Variants in ASIC2 observed in about 807,000 individuals in gnomAD.
The protein encoded by ASIC2 is acid sensing ion channel subunit 2, also known as acid-sensing ion channel 2.
In ASIC2, 25 loss-of-function variants were observed where a neutral mutation model predicts 57.3. The observed-to-expected ratio is 0.44, with a 90% CI of 0.32 to 0.61. The LOEUF is 0.61. Ranked by LOEUF, ASIC2 falls within the 20% of genes least tolerant of loss-of-function variation. The pLI is 0.06. For missense variants in ASIC2, 641 were observed against 738.1 expected, an observed-to-expected ratio of 0.87 and a Z score of 1.52; for synonymous variants, 319 against 307.5, an observed-to-expected ratio of 1.04 and a Z score of -0.39.
At chr17:33,992,941 A>G (rs764867585) in intron 1 of ASIC2, among the ~76,000 whole-genome samples, 1 of 152,218 alleles carries the variant, frequency 6.6e-6, no homozygotes, top group African/African-American at 2.4e-5. Context: ...CATGAGAGGT[A>G]TACAACTAGA....
chr17:33,276,517 GCTCTC>G (rs1904712040), intron 1 of ASIC2, among the ~76,000 whole-genome samples: 1 of 152,184 alleles, frequency 6.6e-6, no homozygotes, highest in Non-Finnish European at 1.5e-5. Flanking sequence ...CAAGCCAGAG[GCTCTC>G]CTTGGATTCT....
chr17:33,062,990 C>G (rs2092027111), intron 3 of ASIC2, among the ~76,000 whole-genome samples: 1 of 152,122 alleles, frequency 6.6e-6, no homozygotes, highest in Admixed American at 6.6e-5. Context: ...GCAACCCCTG[C>G]CTTTTTTTGT....
At chr17:33,554,390 G>T (rs1038011542) in intron 1 of ASIC2, among the ~76,000 whole-genome samples, 1 of 151,996 alleles carries the variant, frequency 6.6e-6, no homozygotes, top group Non-Finnish European at 1.5e-5. Context: ...GTGTTTGCAC[G>T]TGTGCACGTG....
intron 1 of ASIC2, among the ~76,000 whole-genome samples, chr17:33,976,236 T>C (rs992928438): frequency 5.3e-5 from 8 of 151,966 alleles, no homozygotes; most frequent in Non-Finnish European, 1.0e-4. Flanking sequence ...ATATGATTCA[T>C]CTAAAGGTGC....
rs1555600204 is a variant in ASIC2, at chr17:33,346,253, A to AAG, written c.556-234188_556-234187dup. On this transcript the variant is annotated intron_variant, in intron 1 of 9. Transcript: ENST00000359872. ...AAAAAAAAAAAAAAAAAAAAAAAAAAAGAGAGAGAGAGAAAAGGAACATAA... is the reference window on the plus strand; with the variant it reads ...AAAAAAAAAAAAAAAAAAAAAAAAAAAGAGAGAGAGAGAGAAAAGGAACATAA... 4.7e-3 allele frequency among the ~76,000 whole-genome samples: 598 copies of AAG among 127,772 alleles called. 4 individuals carry two copies. The highest frequency in any genetic ancestry group is 6.0e-3 in the Non-Finnish European group (355 of 59,662). The allele number at this position is 127,772 out of a possible 152,430, so 83.8% of individuals were successfully genotyped here.
At chr17:33,604,691 G>A (rs1905185273) in intron 1 of ASIC2, among the ~76,000 whole-genome samples, 1 of 152,070 alleles carries the variant, frequency 6.6e-6, no homozygotes, top group African/African-American at 2.4e-5. Flanking sequence ...AGCAGCCCAG[G>A]AGAGCCAGGT....
Position 33,840,971 on chromosome 17 carries a change from A to G in ASIC2, c.555+315007T>C, listed in dbSNP as rs1913420149. On this transcript the variant is annotated intron_variant, in intron 1 of 9. Transcript: ENST00000359872. ...AGGTATATATATTTAAAGGTTCCAG[A>G]GAGTATAAACCAGACTTTATAGCAA... Among the ~76,000 whole-genome samples the G allele has an allele frequency of 3.3e-5, 5 of 152,242 alleles. No homozygotes were observed. In the South Asian group the frequency reaches 1.0e-3, roughly 32 times the overall value.
intron 2 of ASIC2, among the ~76,000 whole-genome samples, chr17:33,103,550 A>G (rs976036262): frequency 2.0e-4 from 30 of 152,158 alleles, no homozygotes; most frequent in Non-Finnish European, 4.3e-4. Flanking sequence ...TTCAGGGGTA[A>G]AAGGTCCTTA....
At chr17:33,385,158 C>A (rs1909626422) in intron 1 of ASIC2, among the ~76,000 whole-genome samples, 1 of 152,178 alleles carries the variant, frequency 6.6e-6, no homozygotes, top group Non-Finnish European at 1.5e-5. Flanking sequence ...AAAATGTTAA[C>A]ACAGGTCAAG....
At chr17:33,932,741 A>AAATATATATAT (rs1555572867) in intron 1 of ASIC2, 2 of 58,714 alleles carry the variant, frequency 3.4e-5, no homozygotes, top group African/African-American at 1.4e-4. Context: ...AAAAAAAAAA[A>AAATATATATAT]ATATATATAT....
At chr17:33,703,545 G>T (rs1908773627) in intron 1 of ASIC2, among the ~76,000 whole-genome samples, 1 of 152,032 alleles carries the variant, frequency 6.6e-6, no homozygotes, top group African/African-American at 2.4e-5. Flanking sequence ...TAGAGATGGG[G>T]TTTTACCATG....
chr17:33,405,429 G>A (rs1031761442), intron 1 of ASIC2, among the ~76,000 whole-genome samples: 6 of 151,754 alleles, frequency 4.0e-5, no homozygotes, highest in Non-Finnish European at 7.4e-5. Flanking sequence ...ACCCCTCCCA[G>A]GACTAGCCAA....
chr17:33,196,517 T>C (rs935506541), intron 1 of ASIC2, among the ~76,000 whole-genome samples: 8 of 152,108 alleles, frequency 5.3e-5, no homozygotes, highest in Non-Finnish European at 8.8e-5. Flanking sequence ...AGAGCATACA[T>C]AGAATTACAA....
intron 1 of ASIC2, among the ~76,000 whole-genome samples, chr17:33,396,431 C>T (rs1910080571): frequency 6.6e-6 from 1 of 152,164 alleles, no homozygotes; most frequent in Non-Finnish European, 1.5e-5. Flanking sequence ...TATAAGAACG[C>T]ATGAAATGAA....
intron 1 of ASIC2, among the ~76,000 whole-genome samples, chr17:33,412,829 G>T (rs1910712173): frequency 6.6e-6 from 1 of 152,196 alleles, no homozygotes; most frequent in African/African-American, 2.4e-5. Flanking sequence ...TGCACGCAAA[G>T]AAGGAGCTCT....
At chr17:34,049,293 C>G (rs1028712257) in intron 1 of ASIC2, among the ~76,000 whole-genome samples, 1 of 152,008 alleles carries the variant, frequency 6.6e-6, no homozygotes, top group Non-Finnish European at 1.5e-5. Flanking sequence ...GACCCTGTCT[C>G]AAAACAAACA....
At chr17:33,466,384 A>G (rs1349618919) in intron 1 of ASIC2, among the ~76,000 whole-genome samples, 3 of 152,250 alleles carry the variant, frequency 2.0e-5, no homozygotes, top group African/African-American at 7.2e-5. Flanking sequence ...ATGGATTGGA[A>G]GAATCAATGT....
chr17:33,024,910 C>T (rs1272354985), intron 5 of ASIC2, among the ~76,000 whole-genome samples: 3 of 152,220 alleles, frequency 2.0e-5, no homozygotes, highest in Non-Finnish European at 4.4e-5. Context: ...ATACTCTTGA[C>T]ACCTGTTGCA....
chr17:33,192,803 G>A (rs113297704), intron 1 of ASIC2, among the ~76,000 whole-genome samples: 1 of 152,252 alleles, frequency 6.6e-6, no homozygotes, highest in African/African-American at 2.4e-5. Flanking sequence ...CTAAAAAGTA[G>A]TATCCAATTT....
Sources: allele counts gnomAD v4.1 joint callset (sites outside exome capture counted in the v4.1 genomes callset), GRCh38; gene constraint gnomAD v4.1.1; transcripts MANE v1.5; gene names NCBI Gene and HGNC (gene_info 2026-07-23, HGNC 2026-07-21).